LAMA1: variants seen among roughly 807,000 people sequenced by gnomAD.
The protein encoded by LAMA1 is laminin subunit alpha-1.
A neutral mutation model predicts 348.7 loss-of-function variants in LAMA1; 219 were observed. The ratio of observed to expected loss-of-function variants is 0.63; its 90% CI spans 0.56 to 0.70. The LOEUF is 0.70. Ranked by LOEUF, LAMA1 falls within the 30% of genes least tolerant of loss-of-function variation. The pLI is 0.00. For synonymous variants in LAMA1, 1,487 were observed against 1,491.0 expected (o/e 1.00, Z 0.06); for missense variants, 3,744 against 3,888.0 (o/e 0.96, Z 0.99).
At chr18:7,105,094 A>T (rs1310565943) in intron 1 of LAMA1, among the ~76,000 whole-genome samples, 2 of 152,104 alleles carry the variant, frequency 1.3e-5, no homozygotes, top group Non-Finnish European at 2.9e-5. Flanking sequence ...ATTGAGGAAA[A>T]CTTCTGAAGG....
intron 36 of LAMA1, among the ~76,000 whole-genome samples, chr18:6,988,040 G>A (rs1435597955): frequency 6.6e-6 from 1 of 152,092 alleles, no homozygotes; most frequent in Non-Finnish European, 1.5e-5. Context: ...CTTGAGCCTG[G>A]GAGGTGGAGG....
At position 6,974,976 on chromosome 18, in the gene LAMA1, A is replaced by T. The variant is rs1342634617; in HGVS notation, c.6550T>A (p.Ser2184Thr). 2 of 1,613,962 alleles carry T rather than the reference A, an allele frequency of 1.2e-6. No homozygotes were observed. The highest frequency in any genetic ancestry group is 1.7e-6 in the Non-Finnish European group (2 of 1,179,940). Residue 2184 changes from serine (S) to threonine (T), a missense_variant, in exon 46 of 63, where the codon TCC becomes ACC. Ser to Thr is a moderately conservative substitution (Grantham distance 58). This residue lies in a region of LAMA1 where 1,983 missense variants were observed against 1,934.3 expected (regional missense o/e 1.03). Coordinates refer to ENST00000389658, the MANE Select transcript of LAMA1 (RefSeq NM_005559.4). ...GRVAFLWDLG[S>T]GSTRLEFPDF... ...GGAAACTCCAAGCGTGTGGACCCGG[A>T]GCCCAGGTCCCACAGGAAGGCCACT... is the stretch of plus-strand genomic sequence containing the variant.
intron 53 of LAMA1, chr18:6,959,717 C>T (rs1272368846): frequency 9.4e-6 from 5 of 533,578 alleles, no homozygotes; most frequent in Non-Finnish European, 1.7e-5. Flanking sequence ...AGATTTCAAA[C>T]ATTTCCATTC....
intron 3 of LAMA1, among the ~76,000 whole-genome samples, chr18:7,076,061 G>C (rs1240540123): frequency 2.0e-5 from 3 of 152,128 alleles, no homozygotes; most frequent in African/African-American, 7.2e-5. Context: ...AAAGGAAAGG[G>C]CAGAGAAAGA....
At chr18:7,046,648 A>T (rs992717165) in intron 5 of LAMA1, among the ~76,000 whole-genome samples, 15 of 152,208 alleles carry the variant, frequency 9.9e-5, no homozygotes, top group African/African-American at 3.4e-4. Flanking sequence ...CTCATTATTG[A>T]AAACCGTAAA....
At chr18:6,965,684 G>A (rs931298995) in intron 49 of LAMA1, 23 of 513,046 alleles carry the variant, frequency 4.5e-5, no homozygotes, top group Middle Eastern at 5.3e-4. Context: ...GAATCTCCTC[G>A]TATCTTTTTC....
At chr18:7,107,020 C>G (rs1168552919) in intron 1 of LAMA1, among the ~76,000 whole-genome samples, 1 of 152,024 alleles carries the variant, frequency 6.6e-6, no homozygotes, top group East Asian at 1.9e-4. Context: ...CTCATTTCAC[C>G]CCTAACTTAC....
chr18:7,035,543 C>A (rs565540487), intron 13 of LAMA1, among the ~76,000 whole-genome samples: 1 of 152,084 alleles, frequency 6.6e-6, no homozygotes, highest in Non-Finnish European at 1.5e-5. Flanking sequence ...CTGCCTCACC[C>A]TCCCGAGTAC....
At chr18:7,044,585 C>G (rs2058034188) in intron 7 of LAMA1, 137 bp downstream of exon 7, 5 of 790,492 alleles carry the variant, frequency 6.3e-6, no homozygotes, top group Middle Eastern at 2.5e-4. Context: ...ATTTTAAGGT[C>G]ATCTGCAGCT....
intron 3 of LAMA1, among the ~76,000 whole-genome samples, chr18:7,067,541 C>G (rs2058127599): frequency 6.6e-6 from 1 of 151,348 alleles, no homozygotes; most frequent in South Asian, 2.1e-4. Context: ...GGGGAATTGG[C>G]TGGGAAGGGG....
intron 6 of LAMA1, 89 bp from the exon 7 acceptor site, chr18:7,044,928 A>G (rs765741514): frequency 8.2e-6 from 8 of 975,500 alleles, no homozygotes; most frequent in African/African-American, 1.6e-5. Context: ...TCTGTCAAAT[A>G]TGTGGCAAGA....
At chr18:7,006,007 G>C (rs2057830316) in intron 29 of LAMA1, among the ~76,000 whole-genome samples, 1 of 152,082 alleles carries the variant, frequency 6.6e-6, no homozygotes, top group Non-Finnish European at 1.5e-5. Context: ...CGAGGCTTCG[G>C]GTGTGTCCTT....
In LAMA1 at chr18:7,016,598, T is replaced by A. The variant is rs776840507; in HGVS notation, c.2882A>T (p.Asp961Val). The A allele has an allele frequency of 1.2e-6, 2 of 1,614,144 alleles. No individual in the cohort carries two copies. The highest frequency in any genetic ancestry group is 1.7e-6 in the Non-Finnish European group (2 of 1,180,032). The change falls in exon 21 of 63, where the codon GAT becomes GTT. Residue 961 changes from aspartate (D) to valine (V), a missense_variant. Physicochemically the swap from Asp to Val is radical, Grantham distance 152. Transcript: ENST00000389658. ...CNCSVAGSVS[D>V]GCTDEGQCHC... ...ACACTGGCCTTCATCCGTGCAGCCATCTGACACGGAGCCTGCCACGCTGCA... is the reference window on the plus strand; with the variant it reads ...ACACTGGCCTTCATCCGTGCAGCCAACTGACACGGAGCCTGCCACGCTGCA...
intron 61 of LAMA1, among the ~76,000 whole-genome samples, chr18:6,944,423 A>C (rs2057513632): frequency 6.6e-6 from 1 of 152,194 alleles, no homozygotes. Context: ...TTTGCAAAGG[A>C]TAGGAGGTGT....
At chr18:6,957,291 C>T (rs904844494) in intron 55 of LAMA1, 2 of 171,016 alleles carry the variant, frequency 1.2e-5, no homozygotes, top group African/African-American at 4.8e-5. Context: ...AGAAACGTTT[C>T]TGCTCTACCG....
chr18:7,058,527 T>C (rs76680215), intron 3 of LAMA1, among the ~76,000 whole-genome samples: 1,898 of 152,312 alleles, frequency 0.012, 30 homozygotes, highest in Middle Eastern at 0.031. Flanking sequence ...TATCTGGCGA[T>C]AGGCTCTTTA....
chr18:7,080,567 G>A, intron 1 of LAMA1, 110 bp from the exon 2 acceptor site: 4 of 1,117,284 alleles, frequency 3.6e-6, no homozygotes, highest in Non-Finnish European at 4.0e-6. Flanking sequence ...TCTATGTGCT[G>A]AATGAAGGAA....
intron 3 of LAMA1, among the ~76,000 whole-genome samples, chr18:7,067,751 C>T (rs1189487062): frequency 2.0e-5 from 3 of 152,192 alleles, no homozygotes; most frequent in African/African-American, 4.8e-5. Context: ...GTCAGCTCCA[C>T]AGACATGCCA....
intron 3 of LAMA1, among the ~76,000 whole-genome samples, chr18:7,075,303 G>C (rs12458887): frequency 6.6e-6 from 1 of 151,666 alleles, no homozygotes; most frequent in Non-Finnish European, 1.5e-5. Flanking sequence ...GAAAAGAGGA[G>C]GGGGGGGAAG....
Sources: gnomAD v4.1 joint callset for allele counts (sites outside exome capture counted in the v4.1 genomes callset) on GRCh38, gnomAD v4.1.1 for gene constraint, gnomAD v4.1.1 regional missense constraint, MANE v1.5 for transcripts, NCBI Gene and HGNC (gene_info 2026-07-23, HGNC 2026-07-21) for gene names.